The following ANO2 variants were observed in gnomAD, a reference collection of about 807,000 sequenced individuals.
ANO2 encodes the protein anoctamin-2.
Under a neutral mutation model 124.2 loss-of-function variants are expected in ANO2, and 101 were observed. The observed-to-expected ratio is 0.81, with a 90% CI of 0.69 to 0.96. ANO2 has a LOEUF of 0.96. ANO2 is among the 40% of genes least tolerant of loss of function. The pLI, the probability that ANO2 is intolerant of heterozygous loss-of-function variation, is 0.00. For missense variants in ANO2, 1,293 were observed against 1,274.5 expected, an observed-to-expected ratio of 1.01 and a Z score of -0.22; for synonymous variants, 486 against 482.5, an observed-to-expected ratio of 1.01 and a Z score of -0.09.
At chr12:5,574,379 G>C (rs1322686037) in intron 23 of ANO2, among the ~76,000 whole-genome samples, 1 of 152,196 alleles carries the variant, frequency 6.6e-6, no homozygotes, top group Non-Finnish European at 1.5e-5. Flanking sequence ...GTCCAGCTTA[G>C]TGTGTCAAGG....
Position 5,922,609 on chromosome 12 carries a change from C to CCCCGAAAAA in ANO2, c.207+10_207+11insTTTTTCGGG. 6.5e-7 allele frequency: 1 copy of CCCCGAAAAA among 1,530,914 alleles called. No individual in the cohort carries two copies. The allele number at this position is 1,530,914 out of a possible 1,614,324, so 94.8% of individuals were successfully genotyped here. ...GCCTATCCCCCCACCCCACCCCCGC[C>CCCCGAAAAA]CAGTACTCACAGAGCTGCTGCGGGT... On this transcript the variant is annotated intron_variant, in intron 2 of 24. Coordinates refer to ENST00000682330, the MANE Select transcript of ANO2 (RefSeq NM_001364791.2).
chr12:5,611,540 A>C (rs1211529873), intron 19 of ANO2, among the ~76,000 whole-genome samples: 1 of 152,164 alleles, frequency 6.6e-6, no homozygotes. Context: ...TATGTAGCTC[A>C]GGGCCTACTC....
intron 14 of ANO2, among the ~76,000 whole-genome samples, chr12:5,664,800 T>C (rs559683781): frequency 1.3e-5 from 2 of 152,208 alleles, no homozygotes; most frequent in African/African-American, 4.8e-5. Flanking sequence ...CCTCTCTCTC[T>C]CTTTTAGGGA....
intron 3 of ANO2, among the ~76,000 whole-genome samples, chr12:5,861,019 T>C (rs544226648): frequency 6.6e-6 from 1 of 152,208 alleles, no homozygotes; most frequent in African/African-American, 2.4e-5. Context: ...ATGCTGACAG[T>C]TCAAGGCAGG....
intron 4 of ANO2, among the ~76,000 whole-genome samples, chr12:5,838,802 C>T (rs973107415): frequency 2.0e-5 from 3 of 152,204 alleles, no homozygotes; most frequent in Non-Finnish European, 4.4e-5. Flanking sequence ...TGTCTGTCTG[C>T]CCAACAAACC....
intron 3 of ANO2, among the ~76,000 whole-genome samples, chr12:5,867,778 G>GAAAAGAAA (rs752416831): frequency 2.5e-5 from 2 of 78,544 alleles, no homozygotes; most frequent in Non-Finnish European, 4.7e-5. Context: ...GCACTATAAT[G>GAAAAGAAA]AAAAAAAAAA....
chr12:5,930,549 C>T (rs1234093496), intron 1 of ANO2, among the ~76,000 whole-genome samples: 1 of 152,204 alleles, frequency 6.6e-6, no homozygotes, highest in East Asian at 1.9e-4. Context: ...CTGCTGAAGG[C>T]ATGCCCTGGT....
intron 1 of ANO2, among the ~76,000 whole-genome samples, chr12:5,923,846 C>T (rs184974943): frequency 2.6e-5 from 4 of 152,112 alleles, no homozygotes; most frequent in Admixed American, 2.6e-4. Context: ...GAAACACTTC[C>T]TAGAAAAGCA....
intron 14 of ANO2, among the ~76,000 whole-genome samples, chr12:5,671,001 T>C (rs2136987136): frequency 6.6e-6 from 1 of 152,128 alleles, no homozygotes; most frequent in South Asian, 2.1e-4. Flanking sequence ...CCTGCCTCCA[T>C]GCAACTTCAC....
chr12:5,610,972 CTTT>C (rs34792083), intron 19 of ANO2, among the ~76,000 whole-genome samples: 3 of 113,634 alleles, frequency 2.6e-5, no homozygotes, highest in Admixed American at 1.0e-4. Context: ...AACTTCTCTG[CTTT>C]TTTTTTTTTT....
intron 16 of ANO2, among the ~76,000 whole-genome samples, chr12:5,621,275 T>G (rs1013702315): frequency 6.6e-6 from 1 of 152,174 alleles, no homozygotes; most frequent in Admixed American, 6.5e-5. Flanking sequence ...TGAACATGCA[T>G]TGAATAAATG....
chr12:5,912,587 C>G (rs1041549803), intron 3 of ANO2, among the ~76,000 whole-genome samples: 1 of 152,210 alleles, frequency 6.6e-6, no homozygotes, highest in African/African-American at 2.4e-5. Context: ...TGCATCCCCA[C>G]CCCAGGCTGC....
rs1426766477 is a variant in ANO2 at position 5,832,518 on chromosome 12, A to C, written c.719T>G (p.Val240Gly). 1 of 1,613,796 alleles carries C rather than the reference A, an allele frequency of 6.2e-7. No individual in the cohort carries two copies. Among genetic ancestry groups the C allele is most frequent in the Admixed American group, 1.7e-5 (1 of 59,984 alleles). The change falls in exon 5 of 25, where the codon GTT becomes GGT. Residue 240 changes from valine (V) to glycine (G), a missense_variant. Val to Gly is a moderately radical substitution (Grantham distance 109, BLOSUM62 -3). Coordinates refer to ENST00000682330, the MANE Select transcript of ANO2 (RefSeq NM_001364791.2). ...QKLSSHLQPR[V>G]PEHSNNKMKN... ...CATCTTGTTGTTGCTGTGTTCTGGA[A>C]CTCGGGGCTGCAGGTGCGAGCTCAG...
At chr12:5,721,662 T>G (rs957471006) in intron 14 of ANO2, among the ~76,000 whole-genome samples, 1 of 152,204 alleles carries the variant, frequency 6.6e-6, no homozygotes, top group Non-Finnish European at 1.5e-5. Context: ...CATGCCACCA[T>G]GCATAGCTAT....
At chr12:5,804,405 C>A (rs776333237) in intron 9 of ANO2, among the ~76,000 whole-genome samples, 2 of 152,176 alleles carry the variant, frequency 1.3e-5, no homozygotes, top group Non-Finnish European at 2.9e-5. Flanking sequence ...AACCAGTCTT[C>A]TCTCCTGGCT....
intron 8 of ANO2, among the ~76,000 whole-genome samples, chr12:5,806,377 A>C (rs1397526047): frequency 6.6e-6 from 1 of 152,196 alleles, no homozygotes. Context: ...AGAGCTCCAG[A>C]CTTTAAATGG....
At chr12:5,929,146 T>C (rs376905801) in intron 1 of ANO2, among the ~76,000 whole-genome samples, 19 of 111,022 alleles carry the variant, frequency 1.7e-4, no homozygotes, top group Non-Finnish European at 2.7e-4. Context: ...CTTCTTTCCT[T>C]ATTAGTCACT....
At chr12:5,623,274 C>A (rs1168687451) in intron 16 of ANO2, among the ~76,000 whole-genome samples, 5 of 152,108 alleles carry the variant, frequency 3.3e-5, no homozygotes, top group Non-Finnish European at 7.3e-5. Flanking sequence ...ATAGGCAACC[C>A]TCTCTATTAT....
At chr12:5,662,323 C>T (rs375766540) in intron 14 of ANO2, among the ~76,000 whole-genome samples, 1 of 152,172 alleles carries the variant, frequency 6.6e-6, no homozygotes, top group African/African-American at 2.4e-5. Flanking sequence ...TTAGATCCTA[C>T]AACTTAAGAG....
Sources: allele counts gnomAD v4.1 joint callset (sites outside exome capture counted in the v4.1 genomes callset), GRCh38; gene constraint gnomAD v4.1.1; transcripts MANE v1.5; gene names NCBI Gene and HGNC (gene_info 2026-07-23, HGNC 2026-07-21).